FAAH2: variants seen among roughly 807,000 people sequenced by gnomAD.
FAAH2 encodes fatty-acid amide hydrolase 2.
A neutral mutation model predicts 36.9 loss-of-function variants in FAAH2; 60 were observed. The ratio of observed to expected loss-of-function variants is 1.63; its 90% CI spans 1.32 to 2.02. The LOEUF is 2.02. Ranked by LOEUF, FAAH2 falls within the 30% of genes most tolerant of loss-of-function variation. The pLI is 0.00. For missense variants in FAAH2, 689 were observed against 397.5 expected (o/e 1.73, Z -6.23); for synonymous variants, 214 against 143.8 (o/e 1.49, Z -3.49).
chrX:57,151,912 A>G, the FAAH2 span, among the ~76,000 whole-genome samples: 67 of 111,066 alleles, frequency 6.0e-4, no homozygotes, highest in Non-Finnish European at 1.0e-3. Flanking sequence ...GTCTTTGATG[A>G]TGCTGACGTA....
chrX:57,168,803 C>G, the FAAH2 span, among the ~76,000 whole-genome samples: 50 of 111,701 alleles, frequency 4.5e-4, no homozygotes, highest in East Asian at 4.2e-3. Flanking sequence ...TTATTACATG[C>G]ATTTTATAAT....
intron 7 of FAAH2, among the ~76,000 whole-genome samples, chrX:57,419,832 T>C (rs1246398871): frequency 4.5e-5 from 5 of 112,034 alleles, no homozygotes; most frequent in Non-Finnish European, 7.5e-5. Context: ...GGTTTTCTTC[T>C]AGGGTTTTTA....
the FAAH2 span, among the ~76,000 whole-genome samples, chrX:57,196,845 C>A: frequency 9.0e-6 from 1 of 111,414 alleles, no homozygotes; most frequent in Non-Finnish European, 1.9e-5. Flanking sequence ...AACCTAGTGA[C>A]AATGTGCCTA....
At chrX:57,387,765 C>A (rs1024811525) in intron 7 of FAAH2, among the ~76,000 whole-genome samples, 4 of 111,233 alleles carry the variant, frequency 3.6e-5, no homozygotes, top group Non-Finnish European at 7.6e-5. Context: ...CACCAACAGG[C>A]CTGCTGTTCT....
intron 4 of FAAH2, among the ~76,000 whole-genome samples, chrX:57,340,075 G>T (rs141570025): frequency 8.9e-6 from 1 of 111,930 alleles, no homozygotes; most frequent in East Asian, 2.8e-4. Flanking sequence ...AAGTAGGAAA[G>T]CTGACAATGC....
the FAAH2 span, among the ~76,000 whole-genome samples, chrX:57,176,213 T>G: frequency 9.0e-6 from 1 of 111,606 alleles, no homozygotes; most frequent in Non-Finnish European, 1.9e-5. Flanking sequence ...CACCTTTGAT[T>G]CTTAGGTTTG....
intron 8 of FAAH2, among the ~76,000 whole-genome samples, chrX:57,436,443 T>C (rs773093708): frequency 9.1e-6 from 1 of 109,347 alleles, no homozygotes; most frequent in African/African-American, 3.3e-5. Context: ...ACAGGAAGTG[T>C]TGGTTCTTAA....
chrX:57,378,134 A>C (rs2147207821), intron 5 of FAAH2, among the ~76,000 whole-genome samples: 1 of 112,153 alleles, frequency 8.9e-6, no homozygotes, highest in African/African-American at 3.2e-5. Flanking sequence ...ATGTATTATA[A>C]GCAGAGGAAA....
At chrX:57,365,007 T>C (rs969587526) in intron 5 of FAAH2, among the ~76,000 whole-genome samples, 1 of 111,887 alleles carries the variant, frequency 8.9e-6, no homozygotes, top group Non-Finnish European at 1.9e-5. Flanking sequence ...TATATACAGA[T>C]GAGAAAAACT....
At chrX:57,201,430 A>AT in the FAAH2 span, among the ~76,000 whole-genome samples, 2 of 103,028 alleles carry the variant, frequency 1.9e-5, no homozygotes, top group Non-Finnish European at 3.8e-5. Context: ...TTTTTACTCC[A>AT]TAAAAAAAAA....
chrX:57,425,136 A>C (rs759660214), intron 7 of FAAH2, among the ~76,000 whole-genome samples: 35 of 111,740 alleles, frequency 3.1e-4, no homozygotes, highest in Non-Finnish European at 6.0e-4. Context: ...AGAATCTCAG[A>C]ACTTGAAGAT....
At chrX:57,418,071 C>T (rs1467378267) in intron 7 of FAAH2, among the ~76,000 whole-genome samples, 1 of 111,261 alleles carries the variant, frequency 9.0e-6, no homozygotes, top group African/African-American at 3.3e-5. Context: ...TTGTGGCCCT[C>T]CCTCCCCCCA....
In FAAH2 at chrX:57,350,875, T is replaced by G. The variant is rs746951773; in HGVS notation, c.742+9485T>G. On this transcript the variant is annotated intron_variant, in intron 5 of 10. Transcript: ENST00000374900. ...CACTAGACCAAAAGAGGAGATAGAT[T>G]GCAATACAATAATAATTAGGGATTT... is the stretch of plus-strand genomic sequence containing the variant. 5.4e-5 allele frequency among the ~76,000 whole-genome samples: 6 copies of G among 111,543 alleles called. No homozygotes were observed. The South Asian group carries it at 2.2e-3, about 41-fold the overall frequency.
At position 57,489,041 on chromosome X, in the gene FAAH2, G is replaced by A; in HGVS notation, c.*109G>A. On this transcript the variant is annotated 3_prime_UTR_variant, in exon 11 of 11. Coordinates refer to ENST00000374900, the MANE Select transcript of FAAH2 (RefSeq NM_174912.4). ...GCAGACAAGCAGAGAAACAACTGGG[G>A]AATTTATTGACTCATTTAGTTATTC... 1.3e-6 allele frequency: 1 copy of A among 773,966 alleles called. No individual in the cohort carries two copies. The highest frequency in any genetic ancestry group is 1.8e-6 in the Non-Finnish European group (1 of 557,911). 63.8% of individuals were successfully genotyped at this position (773,966 alleles called of 1,213,427 possible). A position where few individuals can be genotyped will look rare whatever the true frequency, so the allele number is the denominator to read the frequency against.
At chrX:57,166,711 A>G in the FAAH2 span, among the ~76,000 whole-genome samples, 1 of 112,192 alleles carries the variant, frequency 8.9e-6, no homozygotes, top group Non-Finnish European at 1.9e-5. Context: ...GGTGATCTTG[A>G]AGAAAGGGGA....
chrX:57,338,495 A>G (rs1230443741), intron 4 of FAAH2, among the ~76,000 whole-genome samples: 2 of 111,621 alleles, frequency 1.8e-5, no homozygotes, highest in Non-Finnish European at 3.8e-5. Context: ...CAGTTACTTC[A>G]GGCCATCTGG....
At chrX:57,350,229 G>A (rs1157435413) in intron 5 of FAAH2, among the ~76,000 whole-genome samples, 1 of 111,000 alleles carries the variant, frequency 9.0e-6, no homozygotes, top group Non-Finnish European at 1.9e-5. Context: ...GTCACGATTA[G>A]ATTGGCCCTA....
chrX:57,312,321 A>G (rs140029694), intron 3 of FAAH2, among the ~76,000 whole-genome samples: 58 of 112,079 alleles, frequency 5.2e-4, no homozygotes, highest in African/African-American at 1.8e-3. Context: ...ACATCAATCA[A>G]TCATCCGGCT....
At chrX:57,136,968 C>T in the FAAH2 span, 1 of 884,700 alleles carries the variant, frequency 1.1e-6, no homozygotes, top group Non-Finnish European at 1.4e-6. Context: ...GCCCTGAGTG[C>T]CTCTGGTGCT....
Sources: gnomAD v4.1 joint callset for allele counts (sites outside exome capture counted in the v4.1 genomes callset) on GRCh38, gnomAD v4.1.1 for gene constraint, MANE v1.5 for transcripts, NCBI Gene and HGNC (gene_info 2026-07-23, HGNC 2026-07-21) for gene names.